The following ZBTB46 variants were observed in gnomAD, a reference collection of about 807,000 sequenced individuals.
The protein encoded by ZBTB46 is zinc finger and BTB domain-containing protein 46.
A neutral mutation model predicts 44.1 loss-of-function variants in ZBTB46; 8 were observed. The observed-to-expected ratio is 0.18, with a 90% CI of 0.11 to 0.33. The LOEUF is 0.33. ZBTB46 is among the 10% of genes least tolerant of loss of function. The probability of loss-of-function intolerance (pLI) is 1.00; values close to 1 mark genes in which losing one functional copy is unlikely to be tolerated. For synonymous variants in ZBTB46, 409 were observed against 382.3 expected (o/e 1.07, Z -0.81); for missense variants, 651 against 847.7 (o/e 0.77, Z 2.88).
In ZBTB46 at chr20:63,803,276, G is replaced by A. The variant is rs944648046; in HGVS notation, c.-33-12486C>T. ...GTTTACCTTCTTCTGAAAAAATTAA[G>A]GTTAAGACATGAATACTGTGAAACT... On this transcript the variant is annotated intron_variant, in intron 1 of 4. Transcript: ENST00000245663. This position sits in a 1 kb window ranked among gnomAD's most constrained non-coding sequence, Gnocchi z 4.0. 1.0e-6 allele frequency: 1 copy of A among 980,568 alleles called. No homozygotes were observed. The highest frequency in any genetic ancestry group is 5.2e-4 in the Middle Eastern group (1 of 1,908). 60.7% of individuals were successfully genotyped at this position (980,568 alleles called of 1,614,324 possible).
chr20:63,749,581 C>T lies in ZBTB46; in HGVS notation c.1399-2280G>A, dbSNP rs578054154. Among the ~76,000 whole-genome samples the T allele has an allele frequency of 3.0e-4, 45 of 152,338 alleles. 1 individual carries two copies. The highest frequency in any genetic ancestry group is 1.0e-3 in the African/African-American group (43 of 41,578). On this transcript the variant is annotated intron_variant, in intron 4 of 4. Transcript: ENST00000245663. Reference sequence around the variant, plus strand: ...TCGATCTCCTGACCTCGTGATCTGCCCGCCTTGGCCTCCCAAAGTGCTGGG... The same window carrying T: ...TCGATCTCCTGACCTCGTGATCTGCTCGCCTTGGCCTCCCAAAGTGCTGGG...
intron 1 of ZBTB46, among the ~76,000 whole-genome samples, chr20:63,793,087 G>A (rs911436716): frequency 2.0e-5 from 3 of 152,140 alleles, no homozygotes; most frequent in Admixed American, 2.0e-4. Context: ...TTACAGGAAG[G>A]GCCTCAAGCC....
At chr20:63,817,265 G>A (rs562182582) in intron 1 of ZBTB46, among the ~76,000 whole-genome samples, 4 of 152,248 alleles carry the variant, frequency 2.6e-5, no homozygotes, top group African/African-American at 7.2e-5. Context: ...AATTAGCCAG[G>A]TATGATGGTG....
intron 3 of ZBTB46, among the ~76,000 whole-genome samples, chr20:63,766,334 G>A (rs912539380): frequency 6.7e-5 from 10 of 148,704 alleles, no homozygotes; most frequent in African/African-American, 2.5e-4. Flanking sequence ...TCCTGCCTCA[G>A]CCTCTCAAAT....
chr20:63,754,480 A>G (rs2092201221), intron 3 of ZBTB46, among the ~76,000 whole-genome samples: 1 of 152,298 alleles, frequency 6.6e-6, no homozygotes, highest in East Asian at 1.9e-4. Flanking sequence ...TTTTTTAAAC[A>G]AGATGAGGTC....
chr20:63,751,127 TC>T (rs1031702405), intron 4 of ZBTB46, among the ~76,000 whole-genome samples: 5 of 101,260 alleles, frequency 4.9e-5, no homozygotes, highest in African/African-American at 1.9e-4. Context: ...CAGCTACCCC[TC>T]CCCCCGCCCC....
chr20:63,749,331 T>C (rs926273936), intron 4 of ZBTB46, among the ~76,000 whole-genome samples: 1 of 132,406 alleles, frequency 7.6e-6, no homozygotes, highest in Non-Finnish European at 1.6e-5. Context: ...TTTGTTTTGC[T>C]GTATTTTATT....
At chr20:63,775,332 C>T (rs911607626) in intron 3 of ZBTB46, 2 of 226,742 alleles carry the variant, frequency 8.8e-6, no homozygotes, top group East Asian at 8.8e-5. Flanking sequence ...GGCGCCCGAG[C>T]CCGTCTCTGG....
At chr20:63,781,913 G>T (rs1247929070) in intron 2 of ZBTB46, among the ~76,000 whole-genome samples, 1 of 151,374 alleles carries the variant, frequency 6.6e-6, no homozygotes, top group Non-Finnish European at 1.5e-5. Flanking sequence ...GTGAAACCTC[G>T]TCTCTACTAA....
chr20:63,799,777 C>T (rs2092629834), intron 1 of ZBTB46, among the ~76,000 whole-genome samples: 1 of 152,202 alleles, frequency 6.6e-6, no homozygotes, highest in African/African-American at 2.4e-5. Flanking sequence ...ACAGCAAGCT[C>T]CCCCATGAGA....
intron 1 of ZBTB46, among the ~76,000 whole-genome samples, chr20:63,823,903 T>C (rs1482873718): frequency 6.7e-6 from 1 of 149,820 alleles, no homozygotes; most frequent in Non-Finnish European, 1.5e-5. Context: ...TTGGGACTGC[T>C]CCGTTTTCTG....
chr20:63,796,392 T>G (rs1017278541), intron 1 of ZBTB46, among the ~76,000 whole-genome samples: 5 of 152,158 alleles, frequency 3.3e-5, no homozygotes, highest in Non-Finnish European at 5.9e-5. Flanking sequence ...TGCGTCTAAT[T>G]CCAAACCACT....
rs539699978 is a variant in ZBTB46, at chr20:63,792,583, C to T, written c.-33-1793G>A. Reference sequence around the variant, plus strand: ...CCAGGCTGGAGTGCAGTGGTTTGATCTCCGCTCACTGCAAGCTCCGCTCCC... The same window carrying T: ...CCAGGCTGGAGTGCAGTGGTTTGATTTCCGCTCACTGCAAGCTCCGCTCCC... On this transcript the variant is annotated intron_variant, in intron 1 of 4. Transcript: ENST00000245663. 3.3e-5 allele frequency among the ~76,000 whole-genome samples: 5 copies of T among 151,838 alleles called. No homozygotes were observed. The South Asian group carries it at 1.0e-3, about 32-fold the overall frequency.
upstream of ZBTB46, among the ~76,000 whole-genome samples, chr20:63,832,297 A>T (rs937905817): frequency 1.3e-5 from 2 of 151,922 alleles, no homozygotes; most frequent in Non-Finnish European, 2.9e-5. The surrounding 1 kb of genome is among the most constrained non-coding windows in gnomAD (Gnocchi z 5.0). Context: ...GCGCAGGGGT[A>T]AAGGCCACCT....
chr20:63,763,321 T>A (rs1343483367), intron 3 of ZBTB46, among the ~76,000 whole-genome samples: 1 of 152,216 alleles, frequency 6.6e-6, no homozygotes, highest in East Asian at 1.9e-4. Context: ...TCACGTATTG[T>A]ATCGGGCCAT....
chr20:63,769,645 A>C (rs895162025), intron 3 of ZBTB46, among the ~76,000 whole-genome samples: 1 of 152,052 alleles, frequency 6.6e-6, no homozygotes, highest in Non-Finnish European at 1.5e-5. Context: ...TTGGTGGAGG[A>C]AGTCGGAGCG....
chr20:63,749,627 C>T (rs186628834), intron 4 of ZBTB46, among the ~76,000 whole-genome samples: 265 of 152,364 alleles, frequency 1.7e-3, no homozygotes, highest in Non-Finnish European at 3.1e-3. Context: ...TCAGCCACCG[C>T]GCCCAGCCTG....
At chr20:63,798,688 A>AAAAAAAAAAC in intron 1 of ZBTB46, among the ~76,000 whole-genome samples, 1 of 142,614 alleles carries the variant, frequency 7.0e-6, no homozygotes, top group Non-Finnish European at 1.5e-5. Context: ...AAAAAAAAAA[A>AAAAAAAAAAC]AAAAATTAGC....
intron 1 of ZBTB46, among the ~76,000 whole-genome samples, chr20:63,805,749 C>T (rs980536856): frequency 3.4e-5 from 5 of 145,068 alleles, no homozygotes; most frequent in African/African-American, 1.3e-4. Context: ...CATGCATCAG[C>T]TTTTTTTTTT....
Sources: allele counts gnomAD v4.1 joint callset (sites outside exome capture counted in the v4.1 genomes callset), GRCh38; gene constraint gnomAD v4.1.1; non-coding constraint Gnocchi (gnomAD v3.1); transcripts MANE v1.5; gene names NCBI Gene and HGNC (gene_info 2026-07-23, HGNC 2026-07-21).